The following BRD4 variants were observed in gnomAD, a reference collection of about 807,000 sequenced individuals.
BRD4 encodes the protein bromodomain-containing protein 4.
A neutral mutation model predicts 142.1 loss-of-function variants in BRD4; 16 were observed. The observed-to-expected ratio is 0.11, with a 90% CI of 0.08 to 0.17. The LOEUF is 0.17. Among genes scored for constraint, BRD4 ranks in the 10% least tolerant of loss-of-function variants. BRD4 has a pLI of 1.00. For synonymous variants in BRD4, 833 were observed against 707.5 expected (o/e 1.18, Z -2.82); for missense variants, 1,424 against 1,810.9 (o/e 0.79, Z 3.88).
intron 1 of BRD4, among the ~76,000 whole-genome samples, chr19:15,292,472 T>C (rs1280613506): frequency 2.0e-5 from 3 of 152,022 alleles, no homozygotes; most frequent in African/African-American, 7.2e-5. Flanking sequence ...AGAAAACAAC[T>C]GTAGATGTTT....
chr19:15,256,097 G>A lies in BRD4; in HGVS notation c.1718C>T (p.Thr573Met), dbSNP rs150583855. 45 of 1,611,626 alleles carry A rather than the reference G, an allele frequency of 2.8e-5. 1 individual carries two copies. The highest frequency in any genetic ancestry group is 2.5e-4 in the East Asian group (11 of 44,894). ...SKAKEPPPKK[T>M]KKNNSSNSNV... ...GCTGTTGCTGCTATTATTTTTCTTC[G>A]TCTTTTTAGGAGGAGGTTCCTTGGC... The change falls in exon 9 of 20, where the codon ACG becomes ATG. Residue 573 changes from threonine (T) to methionine (M), a missense_variant. Thr to Met is a moderately conservative substitution (Grantham distance 81, BLOSUM62 -1). Transcript: ENST00000679869.
At chr19:15,305,058 G>A (rs1357528790) in intron 1 of BRD4, among the ~76,000 whole-genome samples, 2 of 123,952 alleles carry the variant, frequency 1.6e-5, no homozygotes, top group African/African-American at 6.3e-5. Flanking sequence ...CGGAGTTGTT[G>A]CCCAGGCTGG....
intron 2 of BRD4, 108 bp downstream of exon 2, chr19:15,272,704 CCAT>C: frequency 9.6e-7 from 1 of 1,043,446 alleles, no homozygotes; most frequent in Non-Finnish European, 1.4e-6. Flanking sequence ...GCAGCTCTCA[CCAT>C]GATTCCAAAT....
chr19:15,314,471 G>A (rs1230667624), intron 1 of BRD4, among the ~76,000 whole-genome samples: 2 of 152,146 alleles, frequency 1.3e-5, no homozygotes, highest in African/African-American at 4.8e-5. Flanking sequence ...GCTTTCTCAA[G>A]TCTGGGACCC....
chr19:15,245,076 T>G (rs1599435655), intron 11 of BRD4: 1 of 472,948 alleles, frequency 2.1e-6, no homozygotes, highest in South Asian at 2.2e-5. Context: ...TACTCAAGGG[T>G]CAGTCACTCA....
intron 6 of BRD4, chr19:15,264,138 G>C (rs1046365350): frequency 2.4e-6 from 1 of 424,756 alleles, no homozygotes; most frequent in African/African-American, 2.0e-5. Context: ...GGGCCCCCAA[G>C]GCCAGAGGGC....
chr19:15,327,119 C>T (rs906422422), intron 1 of BRD4, among the ~76,000 whole-genome samples: 3 of 152,170 alleles, frequency 2.0e-5, no homozygotes, highest in African/African-American at 7.2e-5. Flanking sequence ...AAGCTTTTAA[C>T]CATTCTACCT....
At chr19:15,301,749 T>C (rs1303447464) in intron 1 of BRD4, among the ~76,000 whole-genome samples, 3 of 149,500 alleles carry the variant, frequency 2.0e-5, no homozygotes, top group Non-Finnish European at 4.4e-5. Flanking sequence ...TAGTCCCAGC[T>C]ACTCAGGAGG....
intron 1 of BRD4, among the ~76,000 whole-genome samples, chr19:15,298,296 C>T (rs1044081350): frequency 3.3e-5 from 5 of 152,208 alleles, no homozygotes; most frequent in Admixed American, 6.5e-5. Context: ...GTTAACTCAA[C>T]GGCTTTCAAG....
At chr19:15,273,489 T>C (rs978001648) in intron 1 of BRD4, among the ~76,000 whole-genome samples, 1 of 152,228 alleles carries the variant, frequency 6.6e-6, no homozygotes, top group Non-Finnish European at 1.5e-5. Context: ...TGTGAGTTTT[T>C]AGGAGATGCT....
intron 4 of BRD4, 21 bp downstream of exon 4, chr19:15,267,395 C>G: frequency 6.2e-7 from 1 of 1,608,768 alleles, no homozygotes; most frequent in Non-Finnish European, 8.5e-7. Context: ...AGCCAATTTA[C>G]TTGCTATTTC....
intron 1 of BRD4, among the ~76,000 whole-genome samples, chr19:15,311,565 T>C (rs1033367925): frequency 3.3e-5 from 5 of 151,432 alleles, no homozygotes; most frequent in Admixed American, 1.3e-4. Context: ...CAGAGGTGGG[T>C]GGATCACCTG....
At chr19:15,257,430 G>C (rs1480166569) in intron 7 of BRD4, 3 of 530,788 alleles carry the variant, frequency 5.7e-6, no homozygotes, top group Admixed American at 3.4e-5. Context: ...TCACTCCCTG[G>C]AGGACACCGC....
At chr19:15,267,333 GC>G (rs2047544099) in intron 4 of BRD4, 82 bp downstream of exon 4, 1 of 1,522,308 alleles carries the variant, frequency 6.6e-7, no homozygotes, top group Non-Finnish European at 9.0e-7. Context: ...ACATCCTCCT[GC>G]CACTCCCAGC....
intron 1 of BRD4, among the ~76,000 whole-genome samples, chr19:15,318,088 T>A (rs540037808): frequency 6.6e-6 from 1 of 152,354 alleles, no homozygotes; most frequent in East Asian, 1.9e-4. Context: ...ACAGAACTCT[T>A]TCACGCACAT....
chr19:15,299,259 C>G (rs1201968496), intron 1 of BRD4, among the ~76,000 whole-genome samples: 1 of 152,164 alleles, frequency 6.6e-6, no homozygotes. Context: ...AGAATGACCC[C>G]TGCCATTTTA....
chr19:15,323,461 T>C (rs1442585185), intron 1 of BRD4, among the ~76,000 whole-genome samples: 4 of 152,142 alleles, frequency 2.6e-5, no homozygotes, highest in African/African-American at 9.7e-5. Context: ...TCCCACAAAA[T>C]ATGTTTCCTC....
Position 15,243,114 on chromosome 19 carries a change from T to C in BRD4, c.2955A>G (p.Pro985=). The C allele has an allele frequency of 1.3e-6, 1 of 753,672 alleles. No homozygotes were observed. The allele number at this position is 753,672 out of a possible 1,614,324, so 46.7% of individuals were successfully genotyped here. A position where few individuals can be genotyped will look rare whatever the true frequency, so the allele number is the denominator to read the frequency against. The change falls in exon 14 of 20, where the codon CCA becomes CCG. Residue 985 remains proline, a synonymous_variant. Coordinates refer to ENST00000679869, the MANE Select transcript of BRD4 (RefSeq NM_001379291.1). ...PPPPPPQPQP[P]PQQQHQPPPR... ...GAGGGGGCTGATGCTGCTGCTGGGG[T>C]GGAGGCTGGGGCTGGGGTGGTGGGG...
intron 11 of BRD4, chr19:15,253,416 G>A (rs1381468941): frequency 1.3e-6 from 1 of 768,268 alleles, no homozygotes; most frequent in Non-Finnish European, 2.1e-6. Context: ...ACCTCCCACT[G>A]AGGCTGCTGC....
Sources: gnomAD v4.1 joint callset for allele counts (sites outside exome capture counted in the v4.1 genomes callset) on GRCh38, gnomAD v4.1.1 for gene constraint, MANE v1.5 for transcripts, NCBI Gene and HGNC (gene_info 2026-07-23, HGNC 2026-07-21) for gene names.